Variants in PMPCB observed in about 807,000 individuals in gnomAD.
PMPCB encodes peptidase, mitochondrial processing subunit beta.
Under a neutral mutation model 61.5 loss-of-function variants are expected in PMPCB, and 46 were observed. The observed-to-expected ratio is 0.75, with a 90% CI of 0.59 to 0.96. The LOEUF (loss-of-function observed/expected upper bound fraction) is 0.96, where lower values mean the gene tolerates loss of function less well. Among genes scored for constraint, PMPCB ranks in the 40% least tolerant of loss-of-function variants. The pLI is 0.00. For missense variants in PMPCB, 590 were observed against 602.4 expected (o/e 0.98, Z 0.22); for synonymous variants, 191 against 201.6 (o/e 0.95, Z 0.44).
chr7:103,310,519 C>A (rs771747765), intron 9 of PMPCB, 44 bp downstream of exon 9: 2 of 1,466,836 alleles, frequency 1.4e-6, no homozygotes, highest in Non-Finnish European at 1.9e-6. Context: ...GCCTTTAATT[C>A]GTTTTAAACT....
chr7:103,317,164 C>T (rs1041669209), downstream of PMPCB: 1 of 663,256 alleles, frequency 1.5e-6, no homozygotes, highest in African/African-American at 1.8e-5. Context: ...AAAGAAGCAC[C>T]AGCTTTTCAC....
chr7:103,338,401 A>G, the PMPCB span, among the ~76,000 whole-genome samples: 1 of 147,608 alleles, frequency 6.8e-6, no homozygotes, highest in African/African-American at 2.5e-5. Context: ...GGTTCAAGCA[A>G]TTCTCCTGCC....
intron 12 of PMPCB, chr7:103,323,570 T>C (rs1039882569): frequency 7.0e-7 from 1 of 1,434,622 alleles, no homozygotes; most frequent in Middle Eastern, 1.8e-4. Flanking sequence ...AATAAATACC[T>C]TCCATTATTA....
intron 12 of PMPCB, chr7:103,327,512 T>G (rs574994751): frequency 1.4e-6 from 1 of 696,804 alleles, no homozygotes; most frequent in East Asian, 2.9e-5. Flanking sequence ...GGGGTGATGA[T>G]TAGAAAGAAC....
chr7:103,345,610 T>C, the PMPCB span, among the ~76,000 whole-genome samples: 1 of 148,964 alleles, frequency 6.7e-6, no homozygotes, highest in Non-Finnish European at 1.5e-5. Context: ...AAATATATTA[T>C]ATATATATAT....
At chr7:103,344,892 G>C in the PMPCB span, 1 of 579,948 alleles carries the variant, frequency 1.7e-6, no homozygotes, top group Non-Finnish European at 3.1e-6. Context: ...AGTCGCACGA[G>C]AGAATGGTTC....
intron 3 of PMPCB, 105 bp from the exon 4 acceptor site, chr7:103,300,073 A>G: frequency 9.4e-7 from 1 of 1,059,222 alleles, no homozygotes; most frequent in African/African-American, 1.6e-5. Flanking sequence ...ACCAAATTTG[A>G]CCCTGCATGA....
At chr7:103,345,416 A>AC in the PMPCB span, among the ~76,000 whole-genome samples, 2 of 152,062 alleles carry the variant, frequency 1.3e-5, no homozygotes, top group African/African-American at 4.8e-5. Flanking sequence ...TCCTTCTAAG[A>AC]CTGCAGTCAA....
At chr7:103,298,780 G>C in intron 2 of PMPCB, 72 bp downstream of exon 2, 1 of 1,448,762 alleles carries the variant, frequency 6.9e-7, no homozygotes, top group Non-Finnish European at 9.4e-7. Flanking sequence ...TTAATCTTTA[G>C]CTTTTTCGTT....
Position 103,303,854 on chromosome 7 carries a change from T to G in PMPCB, c.470T>G (p.Leu157Arg), listed in dbSNP as rs777654434. The change falls in exon 5 of 13, where the codon CTT (leucine) becomes CGT (arginine). Residue 157 changes from leucine (L) to arginine (R), a missense_variant. By Grantham distance (102) the Leu-to-Arg change is moderately radical (BLOSUM62 -2). Coordinates refer to ENST00000249269, the MANE Select transcript of PMPCB (RefSeq NM_004279.3). ...SKDLPRAVEILADIIQNSTLG... is the reference protein window; with the variant it reads ...SKDLPRAVEIRADIIQNSTLG... Reference sequence around the variant, plus strand: ...TATTTTCAATTAGCTGTAGAAATTCTTGCTGATATAATACAAAACAGCACA... The same window carrying G: ...TATTTTCAATTAGCTGTAGAAATTCGTGCTGATATAATACAAAACAGCACA... The G allele has an allele frequency of 5.8e-5, 93 of 1,605,656 alleles. No individual in the cohort carries two copies. Among genetic ancestry groups the G allele is most frequent in the Non-Finnish European group, 7.7e-5 (90 of 1,175,672 alleles).
In PMPCB at chr7:103,314,055, C is replaced by G; in HGVS notation, c.*1784C>G. Reference sequence around the variant, plus strand: ...AAAACAAAACAAAACAAAACCACCACCTATTCAAAACAAAGCAGAGAATTT... The same window carrying G: ...AAAACAAAACAAAACAAAACCACCAGCTATTCAAAACAAAGCAGAGAATTT... On this transcript the variant is annotated 3_prime_UTR_variant, in exon 13 of 13. Transcript: ENST00000249269. The G allele has an allele frequency of 1.2e-5, 12 of 985,350 alleles. No homozygotes were observed. Among genetic ancestry groups the G allele is most frequent in the Non-Finnish European group, 1.4e-5 (12 of 829,908 alleles). The allele number at this position is 985,350 out of a possible 1,614,324, so 61.0% of individuals were successfully genotyped here.
intron 7 of PMPCB, among the ~76,000 whole-genome samples, chr7:103,308,104 A>G (rs1044953182): frequency 3.9e-5 from 6 of 152,180 alleles, no homozygotes; most frequent in African/African-American, 9.7e-5. Flanking sequence ...AGTTTTGCCC[A>G]CAGTATGTTT....
chr7:103,322,135 GT>G, intron 12 of PMPCB: 1 of 1,307,284 alleles, frequency 7.6e-7, no homozygotes, highest in Non-Finnish European at 1.0e-6. Context: ...ATTCCTAAAT[GT>G]TTTATAATTT....
downstream of PMPCB, chr7:103,316,871 T>C (rs1378094882): frequency 1.2e-6 from 2 of 1,614,006 alleles, no homozygotes; most frequent in Non-Finnish European, 1.7e-6. Flanking sequence ...CAGCTTTAAT[T>C]AGTAATTGTA....
intron 7 of PMPCB, among the ~76,000 whole-genome samples, chr7:103,308,696 C>CT (rs60221177): frequency 0.11 from 16,195 of 152,182 alleles, 997 homozygotes; most frequent in African/African-American, 0.17. Flanking sequence ...TGATGCAACC[C>CT]TTTTGACCAG....
At chr7:103,325,461 A>C (rs866764545) in intron 12 of PMPCB, among the ~76,000 whole-genome samples, 36 of 151,422 alleles carry the variant, frequency 2.4e-4, no homozygotes, top group African/African-American at 8.2e-4. Flanking sequence ...AAAAAAAAAA[A>C]CCAAAAAACA....
At chr7:103,316,191 C>T (rs1818044812), downstream of PMPCB, 2 of 627,060 alleles carry the variant, frequency 3.2e-6, no homozygotes, top group African/African-American at 1.9e-5. Context: ...ATAGTATGTA[C>T]AGAATGAGCT....
rs574994751 is a variant in PMPCB, at chr7:103,327,512, T to C, written c.*1432-1419T>C. On this transcript the variant is annotated intron_variant and NMD_transcript_variant, in intron 12 of 12. Coordinates refer to the PMPCB transcript ENST00000444457. ...GTGTCGTGAGGCTCTGGGGTGATGA[T>C]TAGAAAGAACTTGATATAACTAAAA... The C allele has an allele frequency of 1.0e-4, 73 of 696,804 alleles. No homozygotes were observed. In the East Asian group the frequency reaches 2.1e-3, roughly 20 times the overall value. 43.2% of individuals were successfully genotyped at this position (696,804 alleles called of 1,614,324 possible).
chr7:103,320,869 TG>T (rs1192701223), intron 12 of PMPCB: 2 of 180,780 alleles, frequency 1.1e-5, no homozygotes, highest in Non-Finnish European at 2.2e-5. Context: ...GACTCTGTCT[TG>T]TTTAGTTACA....
Sources: allele counts gnomAD v4.1 joint callset (sites outside exome capture counted in the v4.1 genomes callset), GRCh38; gene constraint gnomAD v4.1.1; transcripts MANE v1.5; gene names NCBI Gene and HGNC (gene_info 2026-07-23, HGNC 2026-07-21).